The following MYO16 variants were observed in gnomAD, a reference collection of about 807,000 sequenced individuals.
The protein encoded by MYO16 is unconventional myosin-XVI.
In MYO16, 94 loss-of-function variants were observed where a neutral mutation model predicts 205.3. The observed-to-expected ratio is 0.46, with a 90% CI of 0.39 to 0.54. The LOEUF (loss-of-function observed/expected upper bound fraction) is 0.54, where lower values mean the gene tolerates loss of function less well. Among genes scored for constraint, MYO16 ranks in the 20% least tolerant of loss-of-function variants. The probability of loss-of-function intolerance (pLI) is 0.00; values close to 1 mark genes in which losing one functional copy is unlikely to be tolerated. For missense variants in MYO16, 2,315 were observed against 2,387.5 expected, an observed-to-expected ratio of 0.97 and a Z score of 0.63; for synonymous variants, 988 against 954.0, an observed-to-expected ratio of 1.04 and a Z score of -0.66.
intron 3 of MYO16, among the ~76,000 whole-genome samples, chr13:108,714,212 C>T (rs569950883): frequency 5.3e-5 from 8 of 152,206 alleles, no homozygotes; most frequent in African/African-American, 1.9e-4. Context: ...CCCGCCATCA[C>T]GCCCAGCGAA....
At chr13:108,718,618 G>A (rs1368774458) in intron 3 of MYO16, among the ~76,000 whole-genome samples, 2 of 152,008 alleles carry the variant, frequency 1.3e-5, no homozygotes, top group Non-Finnish European at 2.9e-5. Flanking sequence ...GAGGGTGAGC[G>A]CTGCAGGGTG....
intron 32 of MYO16, among the ~76,000 whole-genome samples, chr13:109,147,904 G>T (rs567471618): frequency 6.6e-6 from 1 of 152,242 alleles, no homozygotes; most frequent in South Asian, 2.1e-4. Flanking sequence ...GAGAAGGGGG[G>T]TCTCCATTTA....
At chr13:108,927,867 G>A (rs889915397) in intron 16 of MYO16, among the ~76,000 whole-genome samples, 8 of 152,176 alleles carry the variant, frequency 5.3e-5, no homozygotes, top group African/African-American at 1.9e-4. Context: ...GAGGTCACCG[G>A]GCCAACGCGT....
intron 12 of MYO16, among the ~76,000 whole-genome samples, chr13:108,875,526 A>C (rs1056469201): frequency 2.0e-5 from 3 of 152,198 alleles, no homozygotes; most frequent in Non-Finnish European, 2.9e-5. Flanking sequence ...ATGAACTGTA[A>C]CACTGCATGG....
intron 20 of MYO16, among the ~76,000 whole-genome samples, chr13:108,980,591 A>T (rs758240452): frequency 1.3e-4 from 20 of 152,182 alleles, no homozygotes; most frequent in Non-Finnish European, 2.9e-4. Flanking sequence ...TGTCAGTACC[A>T]CTAGTTAAAT....
At chr13:109,175,474 G>C (rs552914824) in intron 33 of MYO16, among the ~76,000 whole-genome samples, 3 of 152,338 alleles carry the variant, frequency 2.0e-5, no homozygotes, top group Admixed American at 2.0e-4. Context: ...TTGAGCAGAA[G>C]AGCTGGCTAT....
chr13:108,575,323 G>T, the MYO16 span, among the ~76,000 whole-genome samples: 1 of 152,204 alleles, frequency 6.6e-6, no homozygotes, highest in Non-Finnish European at 1.5e-5. Flanking sequence ...GACCTGTATG[G>T]GTCCTAGGAC....
chr13:108,954,129 A>T (rs1304054269), intron 16 of MYO16, among the ~76,000 whole-genome samples: 1 of 152,230 alleles, frequency 6.6e-6, no homozygotes, highest in East Asian at 1.9e-4. Context: ...TAGCTGCTGT[A>T]AATTCTAGGC....
chr13:108,685,403 C>A (rs2139480299), intron 2 of MYO16, among the ~76,000 whole-genome samples: 2 of 152,242 alleles, frequency 1.3e-5, no homozygotes, highest in East Asian at 3.9e-4. Flanking sequence ...TGGGAGGAGT[C>A]TTGTGGGACT....
intron 10 of MYO16, among the ~76,000 whole-genome samples, chr13:108,847,080 T>C (rs1877561864): frequency 2.0e-5 from 3 of 152,142 alleles, no homozygotes; most frequent in African/African-American, 7.2e-5. Context: ...CTCTGTGGAG[T>C]TAAAACAATT....
At chr13:108,838,385 T>A (rs965322152) in intron 9 of MYO16, among the ~76,000 whole-genome samples, 1 of 151,942 alleles carries the variant, frequency 6.6e-6, no homozygotes, top group Non-Finnish European at 1.5e-5. Flanking sequence ...CCATGAACGG[T>A]GGCTTACGCC....
In MYO16 at chr13:108,943,217, T is replaced by C. The variant is rs149585980; in HGVS notation, c.1926-14471T>C. ...TACCTGTCCACACTAGGAAAATTAA[T>C]TGGTGGTTGATAAACTGGTGCCTTT... On this transcript the variant is annotated intron_variant, in intron 16 of 34. Coordinates refer to ENST00000457511, the MANE Select transcript of MYO16 (RefSeq NM_001198950.3). Among the ~76,000 whole-genome samples the C allele has an allele frequency of 6.8e-3, 1,038 of 152,324 alleles. 12 individuals carry two copies. Among genetic ancestry groups the C allele is most frequent in the African/African-American group, 0.024 (999 of 41,576 alleles).
chr13:109,090,362 T>G (rs1888580829), intron 27 of MYO16, among the ~76,000 whole-genome samples: 1 of 152,130 alleles, frequency 6.6e-6, no homozygotes. Flanking sequence ...TTCTTGTAAA[T>G]ACGCAGGGCG....
intron 16 of MYO16, among the ~76,000 whole-genome samples, chr13:108,915,083 G>A (rs1881433046): frequency 6.6e-6 from 1 of 152,204 alleles, no homozygotes; most frequent in Non-Finnish European, 1.5e-5. Context: ...CTACTTTCCT[G>A]TTTGTAACAT....
At chr13:109,176,577 T>TAAAAAACAAAAAAAAAAAAAAAA (rs1879189724) in intron 33 of MYO16, among the ~76,000 whole-genome samples, 1 of 44,942 alleles carries the variant, frequency 2.2e-5, no homozygotes, top group Non-Finnish European at 3.8e-5. Context: ...ATTGTGCTGG[T>TAAAAAACAAAAAAAAAAAAAAAA]AAAAAAAAAA....
intron 1 of MYO16, among the ~76,000 whole-genome samples, chr13:108,642,162 C>T (rs565754609): frequency 1.3e-5 from 2 of 152,096 alleles, no homozygotes; most frequent in Admixed American, 6.5e-5. Context: ...TTCTCCTTAC[C>T]GTTATTCTTT....
chr13:109,074,921 T>G (rs1888043808), intron 27 of MYO16, among the ~76,000 whole-genome samples: 1 of 152,152 alleles, frequency 6.6e-6, no homozygotes, highest in African/African-American at 2.4e-5. Flanking sequence ...CCATGTCACC[T>G]CCTATAAATT....
the MYO16 span, among the ~76,000 whole-genome samples, chr13:108,544,135 C>T: frequency 7.4e-5 from 11 of 148,374 alleles, no homozygotes; most frequent in African/African-American, 2.7e-4. Context: ...CCATACTATA[C>T]GATGTTAGAT....
intron 1 of MYO16, among the ~76,000 whole-genome samples, chr13:108,660,272 T>C (rs1240006503): frequency 6.6e-6 from 1 of 152,134 alleles, no homozygotes; most frequent in East Asian, 1.9e-4. Flanking sequence ...TGTTGACCAG[T>C]CTTTAGCTGT....
Sources: allele counts gnomAD v4.1 joint callset (sites outside exome capture counted in the v4.1 genomes callset), GRCh38; gene constraint gnomAD v4.1.1; transcripts MANE v1.5; gene names NCBI Gene and HGNC (gene_info 2026-07-23, HGNC 2026-07-21).